The following CACNA2D1 variants were observed in gnomAD, a reference collection of about 807,000 sequenced individuals.
CACNA2D1 encodes the protein calcium voltage-gated channel auxiliary subunit alpha2delta 1.
Under a neutral mutation model 171.5 loss-of-function variants are expected in CACNA2D1, and 53 were observed. The ratio of observed to expected loss-of-function variants is 0.31; its 90% CI spans 0.25 to 0.39. CACNA2D1 has a LOEUF of 0.39. CACNA2D1 is among the 10% of genes least tolerant of loss of function. The pLI is 1.00. For synonymous variants in CACNA2D1, 442 were observed against 443.1 expected, an observed-to-expected ratio of 1.00 and a Z score of 0.03; for missense variants, 903 against 1,299.8, an observed-to-expected ratio of 0.69 and a Z score of 4.69.
Position 82,005,500 on chromosome 7 carries a change from G to GGAAAA in CACNA2D1, c.1516-8_1516-4dup. 4 of 1,549,308 alleles carry GGAAAA rather than the reference G, an allele frequency of 2.6e-6. No homozygotes were observed. The highest frequency in any genetic ancestry group is 3.5e-6 in the Non-Finnish European group (4 of 1,142,282). On this transcript the variant is annotated splice_region_variant and splice_polypyrimidine_tract_variant and intron_variant, in intron 17 of 38. Transcript: ENST00000356860. Reference sequence around the variant, plus strand: ...AAGTAATACCCATTGGGGCACAGCTGGAAAAGAAAAAAAAAAAAAAGCTTG... The same window carrying GGAAAA: ...AAGTAATACCCATTGGGGCACAGCTGGAAAAGAAAAGAAAAAAAAAAAAAAGCTTG...
At chr7:82,212,600 G>A (rs889669754) in intron 3 of CACNA2D1, among the ~76,000 whole-genome samples, 2 of 152,182 alleles carry the variant, frequency 1.3e-5, no homozygotes, top group African/African-American at 4.8e-5. Context: ...GCAGAGTCAA[G>A]GTTCATGTGA....
intron 3 of CACNA2D1, among the ~76,000 whole-genome samples, chr7:82,200,030 C>A (rs1454528642): frequency 1.3e-5 from 2 of 151,956 alleles, no homozygotes; most frequent in East Asian, 3.9e-4. Context: ...GAAAAACACA[C>A]CTATAGGACA....
At chr7:82,136,598 T>C (rs763839839) in intron 5 of CACNA2D1, 37 bp downstream of exon 5, 10 of 1,506,784 alleles carry the variant, frequency 6.6e-6, no homozygotes, top group African/African-American at 1.4e-5. Context: ...TTTACTATAA[T>C]TTTCTTGGAA....
intron 9 of CACNA2D1, 81 bp from the exon 10 acceptor site, chr7:82,060,608 A>C: frequency 1.2e-6 from 1 of 822,614 alleles, no homozygotes; most frequent in South Asian, 1.4e-5. Context: ...TAATGTATGC[A>C]CTGACCCTAG....
At chr7:82,394,576 A>C (rs1189438557) in intron 1 of CACNA2D1, among the ~76,000 whole-genome samples, 1 of 152,208 alleles carries the variant, frequency 6.6e-6, no homozygotes, top group African/African-American at 2.4e-5. Flanking sequence ...TATTTGAGAC[A>C]CAGAAAAATG....
intron 3 of CACNA2D1, among the ~76,000 whole-genome samples, chr7:82,284,475 T>A (rs899974643): frequency 4.6e-5 from 7 of 152,180 alleles, no homozygotes; most frequent in Non-Finnish European, 1.0e-4. Context: ...CAAAATACCC[T>A]AGACTGAGTC....
chr7:82,341,889 T>C, intron 2 of CACNA2D1, among the ~76,000 whole-genome samples: 1 of 66,438 alleles, frequency 1.5e-5, no homozygotes, highest in South Asian at 5.3e-4. Context: ...CTACTAAAAA[T>C]ACAAAAAAAA....
chr7:82,309,162 T>G (rs1353805557), intron 3 of CACNA2D1, among the ~76,000 whole-genome samples: 3 of 152,146 alleles, frequency 2.0e-5, no homozygotes, highest in Non-Finnish European at 2.9e-5. Flanking sequence ...TACCAGCACT[T>G]TGGGAGACCG....
At chr7:82,159,793 T>C (rs1223655697) in intron 4 of CACNA2D1, among the ~76,000 whole-genome samples, 1 of 136,690 alleles carries the variant, frequency 7.3e-6, no homozygotes, top group Non-Finnish European at 1.5e-5. Flanking sequence ...AGGACATTAT[T>C]AGTGACAGGC....
At chr7:82,177,374 G>A (rs1009212330) in intron 3 of CACNA2D1, among the ~76,000 whole-genome samples, 2 of 152,070 alleles carry the variant, frequency 1.3e-5, no homozygotes, top group South Asian at 2.1e-4. Flanking sequence ...TCTGATATTG[G>A]TATTGTTGAT....
At chr7:82,076,171 G>A (rs2237508) in intron 7 of CACNA2D1, among the ~76,000 whole-genome samples, 56,075 of 151,598 alleles carry the variant, frequency 0.37, 10,854 homozygotes, top group Non-Finnish European at 0.43. Context: ...TATACAAAAT[G>A]CAACAAAAAT....
chr7:82,102,620 GC>G (rs1262205246), intron 6 of CACNA2D1, among the ~76,000 whole-genome samples: 4 of 152,044 alleles, frequency 2.6e-5, no homozygotes, highest in African/African-American at 9.7e-5. Flanking sequence ...GGAAAGTGGG[GC>G]AGTCTGCAGT....
intron 18 of CACNA2D1, 144 bp from the exon 19 acceptor site, chr7:81,997,394 TTTTATATATATATATAG>T (rs1269504681): frequency 6.8e-6 from 3 of 441,502 alleles, no homozygotes; most frequent in African/African-American, 4.1e-5. Context: ...TTCATATATA[TTTTATATATATATATAG>T]CTTATATATA....
At chr7:82,082,103 G>A (rs962237622) in intron 7 of CACNA2D1, among the ~76,000 whole-genome samples, 1 of 152,184 alleles carries the variant, frequency 6.6e-6, no homozygotes, top group Admixed American at 6.5e-5. Flanking sequence ...GATGGTGGCA[G>A]GTTAACAACT....
At chr7:81,994,986 C>G (rs1258456468) in intron 19 of CACNA2D1, 47 bp from the exon 20 acceptor site, 2 of 927,386 alleles carry the variant, frequency 2.2e-6, no homozygotes, top group African/African-American at 3.2e-5. Context: ...CAAAGCTGAC[C>G]TGCCAAAATA....
At chr7:82,158,393 G>T (rs1300226430) in intron 4 of CACNA2D1, among the ~76,000 whole-genome samples, 6 of 151,820 alleles carry the variant, frequency 4.0e-5, no homozygotes. Context: ...CAATGTGTAT[G>T]TGAAATGTGT....
chr7:82,268,517 C>T (rs2129345217), intron 3 of CACNA2D1, among the ~76,000 whole-genome samples: 1 of 152,284 alleles, frequency 6.6e-6, no homozygotes, highest in African/African-American at 2.4e-5. Flanking sequence ...TACACGCAGT[C>T]CTTTTTTTTC....
intron 1 of CACNA2D1, among the ~76,000 whole-genome samples, chr7:82,395,220 T>C (rs1447223092): frequency 1.3e-5 from 2 of 151,826 alleles, no homozygotes; most frequent in African/African-American, 2.4e-5. Flanking sequence ...ACAAAAAAAC[T>C]CCAACTCTGA....
At chr7:82,273,307 T>C (rs1808882200) in intron 3 of CACNA2D1, among the ~76,000 whole-genome samples, 1 of 151,906 alleles carries the variant, frequency 6.6e-6, no homozygotes, top group Non-Finnish European at 1.5e-5. Flanking sequence ...AAGAAATTTG[T>C]ACATCTATTT....
Sources: gnomAD v4.1 joint callset for allele counts (sites outside exome capture counted in the v4.1 genomes callset) on GRCh38, gnomAD v4.1.1 for gene constraint, MANE v1.5 for transcripts, NCBI Gene and HGNC (gene_info 2026-07-23, HGNC 2026-07-21) for gene names.